CNTNAP2: variants seen among roughly 807,000 people sequenced by gnomAD.
CNTNAP2 encodes contactin associated protein 2.
CNTNAP2 carries 98 observed loss-of-function variants against 155.2 expected under a neutral mutation model. The observed-to-expected ratio is 0.63, with a 90% confidence interval of 0.54 to 0.75. The LOEUF (loss-of-function observed/expected upper bound fraction) is 0.75. Ranked by LOEUF, CNTNAP2 falls within the 30% of genes least tolerant of loss-of-function variation. The pLI is 0.00. For missense variants in CNTNAP2, 1,727 were observed against 1,688.1 expected, an observed-to-expected ratio of 1.02 and a Z score of -0.40; for synonymous variants, 651 against 631.2, an observed-to-expected ratio of 1.03 and a Z score of -0.47.
intron 18 of CNTNAP2, among the ~76,000 whole-genome samples, chr7:148,179,838 G>A (rs779005477): frequency 6.6e-6 from 1 of 152,108 alleles, no homozygotes; most frequent in South Asian, 2.1e-4. Flanking sequence ...TCAAGTCCAC[G>A]TTATACCTCT....
intron 9 of CNTNAP2, among the ~76,000 whole-genome samples, chr7:147,372,634 C>T (rs1046815489): frequency 2.0e-5 from 3 of 152,116 alleles, no homozygotes; most frequent in Non-Finnish European, 2.9e-5. Flanking sequence ...ATTTATTCTG[C>T]ACATCTAAGT....
intron 8 of CNTNAP2, among the ~76,000 whole-genome samples, chr7:147,295,177 T>G (rs1414092490): frequency 6.6e-6 from 1 of 152,134 alleles, no homozygotes; most frequent in Non-Finnish European, 1.5e-5. Context: ...GTATGAGATA[T>G]GGCTATCCCC....
intron 12 of CNTNAP2, among the ~76,000 whole-genome samples, chr7:147,585,075 T>C (rs1383055373): frequency 6.6e-6 from 1 of 152,160 alleles, no homozygotes; most frequent in Non-Finnish European, 1.5e-5. Context: ...TGCACTTTCC[T>C]ATTTGACAGA....
intron 1 of CNTNAP2, among the ~76,000 whole-genome samples, chr7:146,520,313 C>CATATATATATAT (rs59563196): frequency 1.3e-4 from 19 of 140,820 alleles, no homozygotes; most frequent in African/African-American, 3.1e-4. Context: ...TAGATATATT[C>CATATATATATAT]ATATATATAT....
chr7:146,464,270 G>A (rs1027314481), intron 1 of CNTNAP2, among the ~76,000 whole-genome samples: 12 of 142,494 alleles, frequency 8.4e-5, no homozygotes, highest in African/African-American at 2.6e-4. Flanking sequence ...GTCAATAGAA[G>A]TAAAGTTTTT....
At chr7:146,645,418 G>A (rs2129162377) in intron 1 of CNTNAP2, among the ~76,000 whole-genome samples, 1 of 152,238 alleles carries the variant, frequency 6.6e-6, no homozygotes, top group Middle Eastern at 3.4e-3. Context: ...GTCAGGCTTA[G>A]AGGGTCTGCA....
intron 8 of CNTNAP2, among the ~76,000 whole-genome samples, chr7:147,289,045 C>A (rs780305412): frequency 6.6e-6 from 1 of 152,074 alleles, no homozygotes; most frequent in Non-Finnish European, 1.5e-5. Flanking sequence ...TATAAGGAAA[C>A]CAAGTTACAA....
chr7:147,890,463 C>T (rs1344566464), intron 13 of CNTNAP2, among the ~76,000 whole-genome samples: 1 of 152,182 alleles, frequency 6.6e-6, no homozygotes, highest in East Asian at 1.9e-4. Context: ...ATAGAACTCC[C>T]ATATGATCCA....
At chr7:147,197,156 T>C (rs960118716) in intron 8 of CNTNAP2, among the ~76,000 whole-genome samples, 5 of 152,064 alleles carry the variant, frequency 3.3e-5, no homozygotes, top group Non-Finnish European at 7.4e-5. Context: ...AGTATAACTT[T>C]GTAACTTCAC....
At chr7:148,123,417 A>G (rs1179074162) in intron 16 of CNTNAP2, among the ~76,000 whole-genome samples, 2 of 152,118 alleles carry the variant, frequency 1.3e-5, no homozygotes, top group East Asian at 3.9e-4. Context: ...GTGAAACCCT[A>G]TCTCTACAAA....
chr7:147,667,815 AAAAATAAAATAAAAAAAT>A (rs1795722259), intron 13 of CNTNAP2, among the ~76,000 whole-genome samples: 1 of 148,884 alleles, frequency 6.7e-6, no homozygotes, highest in Non-Finnish European at 1.5e-5. Flanking sequence ...AAATAATAAA[AAAAATAAAATAAAAAAAT>A]AAAAGATACC....
chr7:146,903,855 A>G (rs2129214353), intron 3 of CNTNAP2, among the ~76,000 whole-genome samples: 1 of 152,300 alleles, frequency 6.6e-6, no homozygotes. Flanking sequence ...TTGTTAAAAG[A>G]ATAGATTGTT....
intron 4 of CNTNAP2, among the ~76,000 whole-genome samples, chr7:147,086,049 C>T (rs1399474998): frequency 6.6e-6 from 1 of 152,178 alleles, no homozygotes; most frequent in East Asian, 1.9e-4. Flanking sequence ...TCACCAAAAG[C>T]AGTTTCCTAC....
intron 1 of CNTNAP2, among the ~76,000 whole-genome samples, chr7:146,264,051 C>G (rs760503375): frequency 6.6e-6 from 1 of 152,116 alleles, no homozygotes; most frequent in Non-Finnish European, 1.5e-5. Flanking sequence ...TTCGCAGGGT[C>G]AGAATTGAGA....
At chr7:147,972,133 G>GTTGTAT (rs1258562994) in intron 14 of CNTNAP2, among the ~76,000 whole-genome samples, 10 of 152,120 alleles carry the variant, frequency 6.6e-5, no homozygotes, top group Admixed American at 1.3e-4. Flanking sequence ...ATGTGTTTAT[G>GTTGTAT]TTGTATTTGT....
chr7:148,117,047 G>A (rs958305577), intron 15 of CNTNAP2, among the ~76,000 whole-genome samples: 1 of 152,170 alleles, frequency 6.6e-6, no homozygotes, highest in African/African-American at 2.4e-5. Context: ...ATGAAGTTGA[G>A]AGCCAACTCT....
intron 8 of CNTNAP2, among the ~76,000 whole-genome samples, chr7:147,251,717 G>A (rs1378010241): frequency 6.6e-6 from 1 of 152,160 alleles, no homozygotes. Context: ...AGCCTGAATG[G>A]GAAAGGGAGA....
chr7:146,279,325 A>G (rs940346675), intron 1 of CNTNAP2, among the ~76,000 whole-genome samples: 1 of 152,116 alleles, frequency 6.6e-6, no homozygotes, highest in African/African-American at 2.4e-5. Context: ...ATTTTTATTG[A>G]AAATAAATAT....
At chr7:147,582,190 A>G (rs57670741) in intron 12 of CNTNAP2, among the ~76,000 whole-genome samples, 1 of 151,396 alleles carries the variant, frequency 6.6e-6, no homozygotes, top group African/African-American at 2.4e-5. Context: ...TTTACCCTGA[A>G]CTGGTTTACA....
Sources: gnomAD v4.1 joint callset for allele counts (sites outside exome capture counted in the v4.1 genomes callset) on GRCh38, gnomAD v4.1.1 for gene constraint, MANE v1.5 for transcripts, NCBI Gene and HGNC (gene_info 2026-07-23, HGNC 2026-07-21) for gene names.